Variants in WNK2 observed in about 807,000 individuals in gnomAD.
The protein encoded by WNK2 is serine/threonine-protein kinase WNK2.
WNK2 carries 67 observed loss-of-function variants against 192.1 expected under a neutral mutation model. That is an observed-to-expected ratio of 0.35 (90% CI 0.29 to 0.43). The LOEUF (loss-of-function observed/expected upper bound fraction) is 0.43, where lower values mean the gene tolerates loss of function less well. Among genes scored for constraint, WNK2 ranks in the 20% least tolerant of loss-of-function variants. WNK2 has a pLI of 1.00. For synonymous variants in WNK2, 1,439 were observed against 1,393.9 expected (o/e 1.03, Z -0.72); for missense variants, 2,698 against 3,089.7 (o/e 0.87, Z 3.01).
intron 23 of WNK2, among the ~76,000 whole-genome samples, chr9:93,294,519 C>T (rs1849928809): frequency 6.6e-6 from 1 of 152,154 alleles, no homozygotes; most frequent in Non-Finnish European, 1.5e-5. Flanking sequence ...GAATGTCATC[C>T]TGGGGAGCCA....
At chr9:93,209,053 A>G (rs937023025) in intron 2 of WNK2, among the ~76,000 whole-genome samples, 1 of 152,170 alleles carries the variant, frequency 6.6e-6, no homozygotes. Flanking sequence ...CAGCTCTCCT[A>G]TGAAACTGTG....
At chr9:93,225,496 A>G (rs933557247) in intron 2 of WNK2, among the ~76,000 whole-genome samples, 1 of 152,334 alleles carries the variant, frequency 6.6e-6, no homozygotes, top group South Asian at 2.1e-4. Context: ...GCCCACCTCT[A>G]AGAGGCACCA....
chr9:93,301,641 C>T (rs112157373), intron 26 of WNK2, among the ~76,000 whole-genome samples: 5 of 152,320 alleles, frequency 3.3e-5, no homozygotes, highest in Admixed American at 1.3e-4. Context: ...GTTCCTTCTC[C>T]GCAGCCGGTT....
At chr9:93,191,432 C>T (rs10992672) in intron 2 of WNK2, among the ~76,000 whole-genome samples, 1,786 of 152,150 alleles carry the variant, frequency 0.012, 13 homozygotes, top group Non-Finnish European at 0.02. Context: ...GGACAGGTCA[C>T]CGCCCTGGGA....
intron 26 of WNK2, among the ~76,000 whole-genome samples, chr9:93,305,631 C>G (rs1174150613): frequency 6.6e-6 from 1 of 152,256 alleles, no homozygotes; most frequent in African/African-American, 2.4e-5. Context: ...ATGCACAACT[C>G]AGGCCGAGCT....
At position 93,239,622 on chromosome 9, in the gene WNK2, G is replaced by A. The variant is rs947588223; in HGVS notation, c.1323-135G>A. On this transcript the variant is annotated intron_variant, in intron 6 of 29. Coordinates refer to ENST00000427277, the MANE Select transcript of WNK2 (RefSeq NM_006648.4). This position sits in a 1 kb window ranked among gnomAD's most constrained non-coding sequence, Gnocchi z 4.2. ...ACTGAAATCTTTTCTTTACCCCTGGGAGTGCTGAGACATGAGGCCTGGCCT... is the reference window on the plus strand; with the variant it reads ...ACTGAAATCTTTTCTTTACCCCTGGAAGTGCTGAGACATGAGGCCTGGCCT... 23 of 668,298 alleles carry A rather than the reference G, an allele frequency of 3.4e-5. No homozygotes were observed. Among genetic ancestry groups the A allele is most frequent in the Non-Finnish European group, 2.0e-5 (8 of 394,128 alleles). The allele number at this position is 668,298 out of a possible 1,614,324, so 41.4% of individuals were successfully genotyped here. A position where few individuals can be genotyped will look rare whatever the true frequency, so the allele number is the denominator to read the frequency against.
At position 93,255,363 on chromosome 9, in the gene WNK2, C is replaced by A. The variant is rs568400115; in HGVS notation, c.2035-936C>A. On this transcript the variant is annotated intron_variant, in intron 9 of 29. Transcript: ENST00000427277. ...TTGCTCCAGGCTGCCAGGCCCTGCC[C>A]GAGCTCCTGGGCTGTGTACAGTGCC... Among the ~76,000 whole-genome samples the A allele has an allele frequency of 9.9e-5, 15 of 152,280 alleles. 1 individual carries two copies. Among genetic ancestry groups the A allele is most frequent in the Non-Finnish European group, 2.9e-5 (2 of 68,004 alleles).
In WNK2 at chr9:93,259,708, A is replaced by T; in HGVS notation, c.3066+94A>T. On this transcript the variant is annotated intron_variant, in intron 12 of 29. Transcript: ENST00000427277. This position sits in a 1 kb window ranked among gnomAD's most constrained non-coding sequence, Gnocchi z 4.8. ...GGAGGACAGAGGCAGGCAAGGAGGC[A>T]GCCCTGCCTGGGGTCGCCCCTCTCA... 2.4e-6 allele frequency: 3 copies of T among 1,236,990 alleles called. No individual in the cohort carries two copies. Among genetic ancestry groups the T allele is most frequent in the Non-Finnish European group, 3.3e-6 (3 of 918,576 alleles). 76.6% of individuals were successfully genotyped at this position (1,236,990 alleles called of 1,614,324 possible).
chr9:93,187,347 C>T (rs949300457), intron 2 of WNK2, among the ~76,000 whole-genome samples: 1 of 152,192 alleles, frequency 6.6e-6, no homozygotes, highest in African/African-American at 2.4e-5. Flanking sequence ...TAGGTGGGAA[C>T]AGCAACCGAG....
chr9:93,242,578 G>A (rs1025595736), intron 7 of WNK2, among the ~76,000 whole-genome samples: 2 of 152,250 alleles, frequency 1.3e-5, no homozygotes, highest in South Asian at 2.1e-4. Flanking sequence ...AGCAAGTGCC[G>A]AGTGAGATGC....
At chr9:93,305,265 T>G (rs971657847) in intron 26 of WNK2, among the ~76,000 whole-genome samples, 2 of 152,166 alleles carry the variant, frequency 1.3e-5, no homozygotes, top group Non-Finnish European at 2.9e-5. Context: ...GGGAAATTGG[T>G]GCTCACCCAG....
At chr9:93,271,795 C>T (rs553132262) in intron 19 of WNK2, among the ~76,000 whole-genome samples, 43 of 152,316 alleles carry the variant, frequency 2.8e-4, no homozygotes, top group African/African-American at 8.4e-4. Context: ...TGGTGAAAGA[C>T]GTAAGTCTAC....
chr9:93,258,656 C>G (rs1319428182), intron 11 of WNK2, among the ~76,000 whole-genome samples: 1 of 152,138 alleles, frequency 6.6e-6, no homozygotes, highest in Non-Finnish European at 1.5e-5. Context: ...CCTCCCTGCG[C>G]TGGACCAGGG....
rs1356226071 is a variant in WNK2 at position 93,257,889 on chromosome 9, TA to T, written c.2382+753del. ...CGGGGCCAGGGCACCATTGCCCAGG[TA>T]AATGGCATGGAGGATTCTAGGTACT... On this transcript the variant is annotated intron_variant, in intron 11 of 29. Transcript: ENST00000427277. The surrounding 1 kb of genome is among the most constrained non-coding windows in gnomAD (Gnocchi z 4.7). Among the ~76,000 whole-genome samples the T allele has an allele frequency of 6.6e-6, 1 of 152,158 alleles. No homozygotes were observed. Among genetic ancestry groups the T allele is most frequent in the Non-Finnish European group, 1.5e-5 (1 of 68,020 alleles).
At chr9:93,237,659 A>C (rs1278787682) in intron 5 of WNK2, among the ~76,000 whole-genome samples, 1 of 152,112 alleles carries the variant, frequency 6.6e-6, no homozygotes, top group African/African-American at 2.4e-5. Context: ...ATTTTCTTGC[A>C]TCTCAGCATT....
At chr9:93,277,269 G>T (rs900352430) in intron 19 of WNK2, among the ~76,000 whole-genome samples, 14 of 152,140 alleles carry the variant, frequency 9.2e-5, no homozygotes, top group Admixed American at 9.2e-4. Flanking sequence ...ATTTCTGGGG[G>T]TATGTAAAAT....
At position 93,231,029 on chromosome 9, in the gene WNK2, C is replaced by T. The variant is rs779626362; in HGVS notation, c.996C>T (p.Thr332=). 21 of 1,613,818 alleles carry T rather than the reference C, an allele frequency of 1.3e-5. No homozygotes were observed. The highest frequency in any genetic ancestry group is 6.6e-5 in the South Asian group (6 of 91,070). Residue 332 remains threonine (T), a synonymous_variant, in exon 4 of 30, where the codon ACC becomes ACT. Coordinates refer to ENST00000427277, the MANE Select transcript of WNK2 (RefSeq NM_006648.4). ...RDLKCDNIFI[T]GPTGSVKIGD... ...TGAAATGTGACAATATTTTCATCAC[C>T]GGACCAACTGGGTCTGTGAAGATTG...
chr9:93,237,032 C>CG (rs1382406511), intron 5 of WNK2, among the ~76,000 whole-genome samples: 1 of 152,102 alleles, frequency 6.6e-6, no homozygotes, highest in African/African-American at 2.4e-5. Context: ...GTGTTGTGGC[C>CG]GGGGTGATGG....
intron 27 of WNK2, chr9:93,307,742 CTG>C (rs1006738345): frequency 9.2e-5 from 14 of 152,528 alleles, no homozygotes; most frequent in African/African-American, 3.4e-4. Flanking sequence ...ATTTCTATGT[CTG>C]GAATTCCAAA....
Sources: gnomAD v4.1 joint callset for allele counts (sites outside exome capture counted in the v4.1 genomes callset) on GRCh38, gnomAD v4.1.1 for gene constraint, Gnocchi (gnomAD v3.1) non-coding constraint, MANE v1.5 for transcripts, NCBI Gene and HGNC (gene_info 2026-07-23, HGNC 2026-07-21) for gene names.